NDUFAF1: variants seen among roughly 807,000 people sequenced by gnomAD.
NDUFAF1 encodes the protein complex I intermediate-associated protein 30, mitochondrial.
NDUFAF1 carries 18 observed loss-of-function variants against 28.7 expected under a neutral mutation model. That is an observed-to-expected ratio of 0.63 (90% CI 0.43 to 0.93). The LOEUF is 0.93. Ranked by LOEUF, NDUFAF1 falls within the 40% of genes least tolerant of loss-of-function variation. NDUFAF1 has a pLI of 0.00. For synonymous variants in NDUFAF1, 113 were observed against 139.7 expected (o/e 0.81, Z 1.35); for missense variants, 404 against 398.3 (o/e 1.01, Z -0.12).
At chr15:41,399,158 C>T (rs141528397) in intron 1 of NDUFAF1, among the ~76,000 whole-genome samples, 1,634 of 151,538 alleles carry the variant, frequency 0.011, 36 homozygotes, top group African/African-American at 0.037. Context: ...CCCAACACTT[C>T]GGGAGGCCAG....
intron 3 of NDUFAF1, among the ~76,000 whole-genome samples, chr15:41,389,818 A>C (rs2050296030): frequency 1.3e-5 from 2 of 152,184 alleles, no homozygotes; most frequent in South Asian, 4.1e-4. Flanking sequence ...TATACATATT[A>C]ATAGTTATTC....
At chr15:41,400,720 A>ATTTTTTTT (rs1555383270) in intron 1 of NDUFAF1, among the ~76,000 whole-genome samples, 9 of 107,502 alleles carry the variant, frequency 8.4e-5, no homozygotes, top group African/African-American at 3.2e-4. Flanking sequence ...TGGATTTTTA[A>ATTTTTTTT]TAGAGACAGG....
chr15:41,395,068 A>G, intron 2 of NDUFAF1, 24 bp from the exon 3 acceptor site: 1 of 1,605,516 alleles, frequency 6.2e-7, no homozygotes, highest in Non-Finnish European at 8.5e-7. Context: ...AGTAAAGTTC[A>G]TTGTACCTCA....
intron 2 of NDUFAF1, among the ~76,000 whole-genome samples, chr15:41,395,304 T>A (rs1048167691): frequency 1.3e-5 from 2 of 152,182 alleles, no homozygotes; most frequent in African/African-American, 4.8e-5. Context: ...GTTCAATGAA[T>A]GGAAATGAAT....
chr15:41,396,362 G>C (rs1466685853), intron 2 of NDUFAF1, 125 bp downstream of exon 2: 1 of 886,880 alleles, frequency 1.1e-6, no homozygotes, highest in Non-Finnish European at 1.7e-6. Flanking sequence ...AGACACAGGT[G>C]AGGTGCCAAA....
intron 3 of NDUFAF1, among the ~76,000 whole-genome samples, chr15:41,392,835 T>C (rs577221215): frequency 4.6e-5 from 7 of 152,276 alleles, no homozygotes; most frequent in Admixed American, 4.6e-4. Flanking sequence ...ATGTAAATGA[T>C]GTCATCTGAA....
intron 3 of NDUFAF1, among the ~76,000 whole-genome samples, chr15:41,392,623 T>C (rs1200558619): frequency 6.6e-6 from 1 of 152,148 alleles, no homozygotes; most frequent in African/African-American, 2.4e-5. Context: ...CCTGCCACCA[T>C]GTGAAGGAGG....
chr15:41,393,747 A>AT (rs2050345404), intron 3 of NDUFAF1, among the ~76,000 whole-genome samples: 1 of 148,604 alleles, frequency 6.7e-6, no homozygotes, highest in Non-Finnish European at 1.5e-5. Flanking sequence ...TAATTTTTTT[A>AT]TTTTTAGTAG....
In NDUFAF1 at chr15:41,396,772, A is replaced by T. The variant is rs1179871493; in HGVS notation, c.288T>A (p.Leu96=). ...IRDEAIYHFR[L]LKDEIVDHWR... is the part of the protein sequence containing the mutation. ...AATGATCCACAATTTCATCCTTCAA[A>T]AGCCTAAAATGGTATATTGCTTCAT... Residue 96 remains leucine, a synonymous_variant, in exon 2 of 5, where the codon CTT becomes CTA. Transcript: ENST00000260361. 1 of 1,614,078 alleles carries T rather than the reference A, an allele frequency of 6.2e-7. No individual in the cohort carries two copies. The highest frequency in any genetic ancestry group is 8.5e-7 in the Non-Finnish European group (1 of 1,180,020).
In NDUFAF1 at chr15:41,396,715, C is replaced by T. The variant is rs745904379; in HGVS notation, c.345G>A (p.Glu115=). ...WRGPEGHPLH[E]VLLEQAKVVW... Reference sequence around the variant, plus strand: ...CAACCTTGGCTTGTTCCAGCAAGACCTCATGCAGAGGGTGGCCTTCCGGTC... The same window carrying T: ...CAACCTTGGCTTGTTCCAGCAAGACTTCATGCAGAGGGTGGCCTTCCGGTC... The change falls in exon 2 of 5, where the codon GAG becomes GAA. Residue 115 remains glutamate (E), a synonymous_variant. Transcript: ENST00000260361. 3 of 1,614,156 alleles carry T rather than the reference C, an allele frequency of 1.9e-6. No homozygotes were observed. The highest frequency in any genetic ancestry group is 1.7e-6 in the Non-Finnish European group (2 of 1,180,044).
At chr15:41,402,893 G>T (rs1202488767), upstream of NDUFAF1, among the ~76,000 whole-genome samples, 1 of 151,608 alleles carries the variant, frequency 6.6e-6, no homozygotes, top group Non-Finnish European at 1.5e-5. Context: ...CATCATGCCC[G>T]ACTAATTTTT....
intron 2 of NDUFAF1, among the ~76,000 whole-genome samples, chr15:41,395,398 C>G (rs1444987644): frequency 6.8e-6 from 1 of 147,658 alleles, no homozygotes; most frequent in Non-Finnish European, 1.5e-5. Flanking sequence ...GAGACGGAGT[C>G]TTGCTCTGTC....
In NDUFAF1 at chr15:41,392,066, CTTTTTTTT is replaced by C. The variant is rs1162627793; in HGVS notation, c.759+2785_759+2792del. ...CATGTGCAGGAGTTTGGACTTTATT[CTTTTTTTT>C]TTTTTTTTTTTTTCTTGAGATGGAG... On this transcript the variant is annotated intron_variant, in intron 3 of 4. Coordinates refer to ENST00000260361, the MANE Select transcript of NDUFAF1 (RefSeq NM_016013.4). Among the ~76,000 whole-genome samples, 82 of 115,670 alleles carry C rather than the reference CTTTTTTTT, an allele frequency of 7.1e-4. 2 individuals are homozygous for C. Among genetic ancestry groups the C allele is most frequent in the Non-Finnish European group, 1.6e-4 (9 of 56,138 alleles). 75.9% of individuals were successfully genotyped at this position (115,670 alleles called of 152,430 possible).
chr15:41,395,541 T>C (rs1345498108), intron 2 of NDUFAF1, among the ~76,000 whole-genome samples: 1 of 151,034 alleles, frequency 6.6e-6, no homozygotes. Flanking sequence ...GGCTAATTTT[T>C]TTGTATTTTT....
Position 41,396,737 on chromosome 15 carries a change from G to C in NDUFAF1, c.323C>G (p.Pro108Arg), listed in dbSNP as rs773320114. 1.9e-6 allele frequency: 3 copies of C among 1,613,934 alleles called. No homozygotes were observed. The African/African-American group carries it at 4.0e-5, about 22-fold the overall frequency. ...KDEIVDHWRG[P>R]EGHPLHEVLL... is the part of the protein sequence containing the mutation. ...GACCTCATGCAGAGGGTGGCCTTCC[G>C]GTCCTCTCCAATGATCCACAATTTC... Residue 108 changes from proline (P) to arginine (R), a missense_variant, in exon 2 of 5, where the codon CCG (proline) becomes CGG (arginine). Pro to Arg is a moderately radical substitution (Grantham distance 103). Transcript: ENST00000260361.
rs377547186 is a variant in NDUFAF1 at position 41,402,490 on chromosome 15, C to T, written c.-428G>A. On this transcript the variant is annotated 5_prime_UTR_variant, in exon 1 of 5. Transcript: ENST00000260361. ...TACCTTCCGCCCAGAAGCCACTTTA[C>T]CCGTATAGGTCCATCTGCTTTTCCC... 2.7e-6 allele frequency: 1 copy of T among 373,518 alleles called. No homozygotes were observed. The allele number at this position is 373,518 out of a possible 1,614,324, so 23.1% of individuals were successfully genotyped here. A position where few individuals can be genotyped will look rare whatever the true frequency, so the allele number is the denominator to read the frequency against.
intron 4 of NDUFAF1, among the ~76,000 whole-genome samples, chr15:41,388,072 T>G (rs1413077675): frequency 6.6e-6 from 1 of 152,122 alleles, no homozygotes; most frequent in Non-Finnish European, 1.5e-5. Context: ...ATCATGCCAC[T>G]GCACTCCAGC....
At chr15:41,389,588 C>T (rs904839588) in intron 3 of NDUFAF1, among the ~76,000 whole-genome samples, 8 of 151,994 alleles carry the variant, frequency 5.3e-5, no homozygotes, top group African/African-American at 1.9e-4. Context: ...CTGGGAAACA[C>T]GGTGAAACCA....
intron 4 of NDUFAF1, among the ~76,000 whole-genome samples, chr15:41,387,829 A>G (rs569022987): frequency 2.4e-4 from 36 of 152,272 alleles, no homozygotes; most frequent in African/African-American, 7.2e-4. Flanking sequence ...AAGACTAGGA[A>G]GGACGGCCGG....
Sources: gnomAD v4.1 joint callset for allele counts (sites outside exome capture counted in the v4.1 genomes callset) on GRCh38, gnomAD v4.1.1 for gene constraint, MANE v1.5 for transcripts, NCBI Gene and HGNC (gene_info 2026-07-23, HGNC 2026-07-21) for gene names.